Variants in BMPR1A observed in about 807,000 individuals in gnomAD.
BMPR1A encodes the protein bone morphogenetic protein receptor type-1A.
BMPR1A carries 7 observed loss-of-function variants against 66.0 expected under a neutral mutation model. That is an observed-to-expected ratio of 0.11 (90% CI 0.06 to 0.20). The LOEUF is 0.20. Among genes scored for constraint, BMPR1A ranks in the 10% least tolerant of loss-of-function variants. The probability of loss-of-function intolerance (pLI) is 1.00; values close to 1 mark genes in which losing one functional copy is unlikely to be tolerated. For missense variants in BMPR1A, 408 were observed against 669.1 expected (o/e 0.61, Z 4.31); for synonymous variants, 200 against 229.7 (o/e 0.87, Z 1.17).
chr10:86,836,413 C>G (rs1842348090), intron 1 of BMPR1A, among the ~76,000 whole-genome samples: 1 of 152,156 alleles, frequency 6.6e-6, no homozygotes, highest in Non-Finnish European at 1.5e-5. Context: ...GAAGTCAAAT[C>G]TTACTTGATT....
intron 1 of BMPR1A, among the ~76,000 whole-genome samples, chr10:86,770,194 G>A (rs544029076): frequency 6.6e-6 from 1 of 152,358 alleles, no homozygotes; most frequent in Admixed American, 6.5e-5. Context: ...AGGAGGCTGA[G>A]GTGGCAGATT....
rs1265765575 is a variant in BMPR1A, at chr10:86,926,357, TA to T, written c.*2643del. ...CAACATGGTGAAACCCCATCTCTACTAAAAATAAAAAACTCAGCCAGGCGTG... is the reference window on the plus strand; with the variant it reads ...CAACATGGTGAAACCCCATCTCTACTAAAATAAAAAACTCAGCCAGGCGTG... On this transcript the variant is annotated 3_prime_UTR_variant, in exon 13 of 13. Transcript: ENST00000372037. 1 of 153,416 alleles carries T rather than the reference TA, an allele frequency of 6.5e-6. No individual in the cohort carries two copies. The highest frequency in any genetic ancestry group is 1.8e-4 in the East Asian group (1 of 5,406). 9.5% of individuals were successfully genotyped at this position (153,416 alleles called of 1,614,324 possible).
chr10:86,904,151 G>A (rs966386393), intron 7 of BMPR1A, among the ~76,000 whole-genome samples: 3 of 152,202 alleles, frequency 2.0e-5, no homozygotes, highest in Admixed American at 1.3e-4. Flanking sequence ...TGATCCACCT[G>A]CCTCGGCTTC....
chr10:86,876,574 G>C (rs1180191967), intron 3 of BMPR1A, among the ~76,000 whole-genome samples: 1 of 152,114 alleles, frequency 6.6e-6, no homozygotes, highest in Non-Finnish European at 1.5e-5. Context: ...ATGAGGTCAG[G>C]AGTTCAAGAC....
chr10:86,779,494 G>A (rs901926365), intron 1 of BMPR1A, among the ~76,000 whole-genome samples: 2 of 152,142 alleles, frequency 1.3e-5, no homozygotes, highest in African/African-American at 4.8e-5. Flanking sequence ...AGATGTTTGA[G>A]TTACTTGTAT....
chr10:86,928,344 T>C (rs1352086303), downstream of BMPR1A: 1 of 148,898 alleles, frequency 6.7e-6, no homozygotes, highest in Non-Finnish European at 1.5e-5. Flanking sequence ...TGCCTCAGCC[T>C]CCCGAATAGC....
downstream of BMPR1A, chr10:86,928,220 C>CTTTTTTTTTTTTTTTTTTTTTTTCT (rs71477622): frequency 8.4e-6 from 1 of 119,268 alleles, no homozygotes; most frequent in Non-Finnish European, 1.6e-5. Flanking sequence ...TTTCTTTTTC[C>CTTTTTTTTTTTTTTTTTTTTTTTCT]TTTTTTTTTT....
intron 2 of BMPR1A, among the ~76,000 whole-genome samples, chr10:86,864,495 G>T (rs950822566): frequency 6.6e-6 from 1 of 152,150 alleles, no homozygotes; most frequent in Admixed American, 6.5e-5. Context: ...CTCTTCAGCT[G>T]CAGTTGTCCT....
At chr10:86,822,759 C>T (rs1842138800) in intron 1 of BMPR1A, among the ~76,000 whole-genome samples, 1 of 152,094 alleles carries the variant, frequency 6.6e-6, no homozygotes. Flanking sequence ...CCTCAGCCTC[C>T]CAAGTAGCTG....
intron 1 of BMPR1A, among the ~76,000 whole-genome samples, chr10:86,795,245 T>C (rs1287024212): frequency 6.6e-6 from 1 of 152,118 alleles, no homozygotes; most frequent in African/African-American, 2.4e-5. Flanking sequence ...ATACTAAGTC[T>C]ACCTTGCATT....
At chr10:86,762,179 A>G (rs1027171068) in intron 1 of BMPR1A, among the ~76,000 whole-genome samples, 1 of 152,218 alleles carries the variant, frequency 6.6e-6, no homozygotes, top group Non-Finnish European at 1.5e-5. Context: ...CTCAAATGAT[A>G]TAATTAATTG....
At chr10:86,857,696 A>G (rs1024913620) in intron 2 of BMPR1A, among the ~76,000 whole-genome samples, 8 of 151,164 alleles carry the variant, frequency 5.3e-5, no homozygotes, top group East Asian at 1.9e-4. Context: ...GGGCCTTCCC[A>G]TAGGCTCGAG....
At chr10:86,782,006 A>C (rs112189304) in intron 1 of BMPR1A, among the ~76,000 whole-genome samples, 6 of 150,926 alleles carry the variant, frequency 4.0e-5, no homozygotes, top group Admixed American at 2.0e-4. Flanking sequence ...AGCTGGGATT[A>C]CAGGCATGAG....
chr10:86,763,745 C>G (rs1841114191), intron 1 of BMPR1A, among the ~76,000 whole-genome samples: 1 of 150,430 alleles, frequency 6.6e-6, no homozygotes, highest in South Asian at 2.1e-4. Flanking sequence ...AGAAGATAGA[C>G]TCTCAATTTT....
At chr10:86,803,156 C>A (rs1323612416) in intron 1 of BMPR1A, among the ~76,000 whole-genome samples, 5 of 151,964 alleles carry the variant, frequency 3.3e-5, no homozygotes, top group African/African-American at 1.2e-4. Context: ...ATGTTACTGC[C>A]ATAGTCACAA....
At chr10:86,871,716 G>A (rs1842857339) in intron 2 of BMPR1A, among the ~76,000 whole-genome samples, 1 of 151,962 alleles carries the variant, frequency 6.6e-6, no homozygotes, top group Admixed American at 6.6e-5. Flanking sequence ...AGGCTGAGGT[G>A]GGAGGATTGC....
At chr10:86,790,185 AAAAATATATATATATATATATATAT>A (rs1841587692) in intron 1 of BMPR1A, among the ~76,000 whole-genome samples, 1 of 33,998 alleles carries the variant, frequency 2.9e-5, no homozygotes, top group Non-Finnish European at 4.5e-5. Context: ...AAAAAAAAAA[AAAAATATATATATATATATATATAT>A]ATATATATAT....
At chr10:86,871,680 C>T (rs532452020) in intron 2 of BMPR1A, among the ~76,000 whole-genome samples, 3 of 152,066 alleles carry the variant, frequency 2.0e-5, no homozygotes, top group South Asian at 2.1e-4. Context: ...CTTGGTGACA[C>T]GTGCTTGTGG....
chr10:86,784,854 CT>C (rs1841494471), intron 1 of BMPR1A, among the ~76,000 whole-genome samples: 1 of 151,838 alleles, frequency 6.6e-6, no homozygotes, highest in Non-Finnish European at 1.5e-5. Context: ...GTAATGTCCC[CT>C]CTTTCATTTC....
Sources: allele counts gnomAD v4.1 joint callset (sites outside exome capture counted in the v4.1 genomes callset), GRCh38; gene constraint gnomAD v4.1.1; transcripts MANE v1.5; gene names NCBI Gene and HGNC (gene_info 2026-07-23, HGNC 2026-07-21).